The following CSMD1 variants were observed in gnomAD, a reference collection of about 807,000 sequenced individuals.
CSMD1 encodes the protein CUB and sushi domain-containing protein 1.
In CSMD1, 213 loss-of-function variants were observed where a neutral mutation model predicts 417.5. The observed-to-expected ratio is 0.51, with a 90% CI of 0.46 to 0.57. The LOEUF is 0.57. CSMD1 is among the 20% of genes least tolerant of loss of function. The pLI is 0.00. For missense variants in CSMD1, 6,923 were observed against 4,529.7 expected, an observed-to-expected ratio of 1.53 and a Z score of -15.17; for synonymous variants, 2,862 against 1,736.8, an observed-to-expected ratio of 1.65 and a Z score of -16.11.
chr8:3,340,210 C>G (rs150829256), intron 23 of CSMD1, among the ~76,000 whole-genome samples: 6 of 152,196 alleles, frequency 3.9e-5, no homozygotes, highest in African/African-American at 1.4e-4. Context: ...CTGTGTGCAG[C>G]AAATTACTAA....
chr8:4,002,050 T>C (rs909162377), intron 4 of CSMD1, among the ~76,000 whole-genome samples: 1 of 152,172 alleles, frequency 6.6e-6, no homozygotes, highest in African/African-American at 2.4e-5. Context: ...CCACATAAAA[T>C]ATAGTAGAAG....
At chr8:4,544,500 T>C (rs1468295440) in intron 2 of CSMD1, among the ~76,000 whole-genome samples, 3 of 152,132 alleles carry the variant, frequency 2.0e-5, no homozygotes, top group African/African-American at 7.2e-5. Flanking sequence ...TTAGCTAATA[T>C]ATGTTACATT....
chr8:4,420,224 G>A lies in CSMD1; in HGVS notation c.303-159C>T, dbSNP rs1469494939. On this transcript the variant is annotated intron_variant, in intron 2 of 69. Transcript: ENST00000635120. ...CCATACACATAGCTTTGGTTGTTAA[G>A]TATTTGAAATTAAACATTTTCAAGT... Among the ~76,000 whole-genome samples, 9 of 152,224 alleles carry A rather than the reference G, an allele frequency of 5.9e-5. No individual in the cohort carries two copies. The Middle Eastern group carries it at 0.014, about 230-fold the overall frequency.
At chr8:4,008,689 C>G (rs1380552251) in intron 4 of CSMD1, among the ~76,000 whole-genome samples, 1 of 140,776 alleles carries the variant, frequency 7.1e-6, no homozygotes, top group Non-Finnish European at 1.5e-5. Context: ...CAGGTAACTG[C>G]AAGCTCCCCA....
intron 4 of CSMD1, among the ~76,000 whole-genome samples, chr8:3,999,019 T>C (rs999715860): frequency 6.7e-6 from 1 of 149,350 alleles, no homozygotes; most frequent in Non-Finnish European, 1.5e-5. Flanking sequence ...ACATATAAAC[T>C]ATATGATACT....
chr8:4,911,629 A>G (rs893689444), intron 1 of CSMD1, among the ~76,000 whole-genome samples: 2 of 152,202 alleles, frequency 1.3e-5, no homozygotes, highest in Non-Finnish European at 2.9e-5. Context: ...CTGTGAGGAA[A>G]TGTTCATATA....
intron 2 of CSMD1, among the ~76,000 whole-genome samples, chr8:4,571,269 G>A (rs1394996023): frequency 2.6e-5 from 4 of 152,188 alleles, no homozygotes; most frequent in Non-Finnish European, 4.4e-5. Context: ...GCTTTCTCAT[G>A]TGAGAATTTA....
chr8:3,432,639 C>T (rs966346273), intron 12 of CSMD1, among the ~76,000 whole-genome samples: 4 of 151,568 alleles, frequency 2.6e-5, no homozygotes, highest in Non-Finnish European at 5.9e-5. Context: ...CCTCAGCTTC[C>T]TGAGTAGCTG....
rs187783912 is a variant in CSMD1 at position 4,929,901 on chromosome 8, C to G, written c.85+64431G>C. ...ACCACAGAATCAGTAGATTCTCCAG[C>G]TATTGTAGTAAAAGTATATTGCAAG... is the stretch of plus-strand genomic sequence containing the variant. On this transcript the variant is annotated intron_variant, in intron 1 of 69. Transcript: ENST00000635120. Among the ~76,000 whole-genome samples the G allele has an allele frequency of 5.6e-4, 85 of 152,314 alleles. No homozygotes were observed. The East Asian group carries it at 0.013, about 24-fold the overall frequency.
At chr8:4,432,557 C>A (rs1011189886) in intron 2 of CSMD1, among the ~76,000 whole-genome samples, 2 of 152,102 alleles carry the variant, frequency 1.3e-5, no homozygotes, top group Non-Finnish European at 2.9e-5. Flanking sequence ...CCATAAAACA[C>A]CCTTATGACT....
At chr8:4,968,908 C>A (rs1810059220) in intron 1 of CSMD1, among the ~76,000 whole-genome samples, 1 of 152,304 alleles carries the variant, frequency 6.6e-6, no homozygotes, top group East Asian at 1.9e-4. Flanking sequence ...CCACCAACTA[C>A]TGCAATGCTC....
chr8:4,865,295 G>A (rs918911841), intron 1 of CSMD1, among the ~76,000 whole-genome samples: 23 of 151,700 alleles, frequency 1.5e-4, no homozygotes, highest in African/African-American at 5.6e-4. Flanking sequence ...TACTGCTTCT[G>A]TTTTGAATAA....
At chr8:4,410,056 C>T (rs900510468) in intron 3 of CSMD1, among the ~76,000 whole-genome samples, 3 of 152,162 alleles carry the variant, frequency 2.0e-5, no homozygotes, top group Admixed American at 1.3e-4. Flanking sequence ...TTGTGATCCA[C>T]ACCTGCCGTG....
intron 1 of CSMD1, among the ~76,000 whole-genome samples, chr8:4,784,239 G>C (rs1337096110): frequency 2.0e-5 from 3 of 152,138 alleles, no homozygotes; most frequent in Non-Finnish European, 2.9e-5. Context: ...ATTGTAATTG[G>C]AAAAGTCAAG....
intron 4 of CSMD1, among the ~76,000 whole-genome samples, chr8:4,016,798 C>G (rs1179595155): frequency 2.6e-5 from 4 of 152,078 alleles, no homozygotes; most frequent in Non-Finnish European, 5.9e-5. Flanking sequence ...TTTTTTTGGT[C>G]GTTGTTTTAT....
rs13252496 is a variant in CSMD1 at position 4,008,628 on chromosome 8, T to A, written c.611-10518A>T. Among the ~76,000 whole-genome samples, 6 of 108,346 alleles carry A rather than the reference T, an allele frequency of 5.5e-5. No individual in the cohort carries two copies. The Admixed American group carries it at 6.1e-4, about 11-fold the overall frequency. The allele number at this position is 108,346 out of a possible 152,430, so 71.1% of individuals were successfully genotyped here. A position where few individuals can be genotyped will look rare whatever the true frequency, so the allele number is the denominator to read the frequency against. On this transcript the variant is annotated intron_variant, in intron 4 of 69. Transcript: ENST00000635120. The stretch of plus-strand genomic sequence containing the variant: ...TTTTTTTTTTTTTTTTTTTTTTTTT[T>A]GAGACAGGGTCTCGCTCTGTCGCCC...
At chr8:4,850,076 G>A (rs1456910649) in intron 1 of CSMD1, among the ~76,000 whole-genome samples, 1 of 152,096 alleles carries the variant, frequency 6.6e-6, no homozygotes, top group Non-Finnish European at 1.5e-5. Flanking sequence ...CCATCCTGGT[G>A]GGTGTGAAGT....
chr8:4,839,022 G>A (rs979424749), intron 1 of CSMD1, among the ~76,000 whole-genome samples: 2 of 152,150 alleles, frequency 1.3e-5, no homozygotes, highest in Admixed American at 6.5e-5. Context: ...TTGTGGTTTT[G>A]CCAGTATAAC....
At chr8:4,620,007 T>A (rs1478276) in intron 2 of CSMD1, among the ~76,000 whole-genome samples, 4 of 151,896 alleles carry the variant, frequency 2.6e-5, no homozygotes, top group Non-Finnish European at 5.9e-5. Flanking sequence ...TTCTTAAGCA[T>A]TGATTTTATA....
Sources: gnomAD v4.1 joint callset for allele counts (sites outside exome capture counted in the v4.1 genomes callset) on GRCh38, gnomAD v4.1.1 for gene constraint, MANE v1.5 for transcripts, NCBI Gene and HGNC (gene_info 2026-07-23, HGNC 2026-07-21) for gene names.